The following KIAA0930 variants were observed in gnomAD, a reference collection of about 807,000 sequenced individuals.
The protein encoded by KIAA0930 is KIAA0930, also known as uncharacterized protein KIAA0930.
A neutral mutation model predicts 43.9 loss-of-function variants in KIAA0930; 24 were observed. The ratio of observed to expected loss-of-function variants is 0.55; its 90% CI spans 0.40 to 0.77. The LOEUF (loss-of-function observed/expected upper bound fraction) is 0.77, where lower values mean the gene tolerates loss of function less well. Among genes scored for constraint, KIAA0930 ranks in the 30% least tolerant of loss-of-function variants. KIAA0930 has a pLI of 0.00. For missense variants in KIAA0930, 461 were observed against 574.2 expected, an observed-to-expected ratio of 0.80 and a Z score of 2.02; for synonymous variants, 259 against 216.4, an observed-to-expected ratio of 1.20 and a Z score of -1.73.
chr22:45,211,986 G>A lies in KIAA0930; in HGVS notation c.186C>T (p.Ser62=), dbSNP rs144114772. ...LFYVRRKLAY[S]GSESGADGRK... is the part of the protein sequence containing the mutation. Reference sequence around the variant, plus strand: ...TCCCGTCTGCACCGCTTTCGCTGCCGGAGTACGCCAGCTTCCGGCGCACAT... The same window carrying A: ...TCCCGTCTGCACCGCTTTCGCTGCCAGAGTACGCCAGCTTCCGGCGCACAT... Residue 62 remains serine (S), a synonymous_variant, in exon 2 of 10, where the codon TCC becomes TCT. Transcript: ENST00000336156. 1.8e-4 allele frequency: 290 copies of A among 1,613,046 alleles called. 2 individuals carry two copies. In the African/African-American group the frequency reaches 2.9e-3, roughly 16 times the overall value.
chr22:45,219,402 C>T (rs1333405697), intron 1 of KIAA0930, among the ~76,000 whole-genome samples: 1 of 152,076 alleles, frequency 6.6e-6, no homozygotes, highest in Non-Finnish European at 1.5e-5. Context: ...TCCTTGAAAC[C>T]CACCCCAATC....
intron 1 of KIAA0930, among the ~76,000 whole-genome samples, chr22:45,231,939 C>A (rs1002149513): frequency 6.6e-6 from 1 of 152,156 alleles, no homozygotes; most frequent in South Asian, 2.1e-4. Flanking sequence ...TGCAGTGAGC[C>A]GAGATCGCGC....
rs539825824 is a variant in KIAA0930 at position 45,232,861 on chromosome 22, T to C, written c.64+7779A>G. Among the ~76,000 whole-genome samples the C allele has an allele frequency of 2.2e-3, 328 of 152,262 alleles. 2 individuals carry two copies. Among genetic ancestry groups the C allele is most frequent in the African/African-American group, 7.7e-3 (322 of 41,556 alleles). On this transcript the variant is annotated intron_variant, in intron 1 of 9. Coordinates refer to ENST00000336156, the MANE Select transcript of KIAA0930 (RefSeq NM_001009880.2). ...CTCTGTATGTGACCTCAGCCTCCGT[T>C]TCCCTGATGTGCAGAGTTCGGCTTT...
At chr22:45,213,274 C>T in intron 1 of KIAA0930, 2 of 1,287,500 alleles carry the variant, frequency 1.6e-6, no homozygotes, top group Non-Finnish European at 2.0e-6. Flanking sequence ...AGCCCTCAGC[C>T]CTCTGCCCTC....
chr22:45,213,855 C>A (rs1007323722), intron 1 of KIAA0930, among the ~76,000 whole-genome samples: 2 of 152,068 alleles, frequency 1.3e-5, no homozygotes, highest in Non-Finnish European at 2.9e-5. Context: ...AGTAAAAACA[C>A]AAAAATTAGC....
At chr22:45,200,228 G>A (rs1469956403) in intron 7 of KIAA0930, 193 bp from the exon 8 acceptor site, 3 of 491,066 alleles carry the variant, frequency 6.1e-6, no homozygotes, top group Non-Finnish European at 1.0e-5. Context: ...TCCAGCCCAG[G>A]GGCCAGCAGG....
At chr22:45,223,054 G>GATGAATTTTTCCCTGTGGTCTC (rs2083776767) in intron 1 of KIAA0930, among the ~76,000 whole-genome samples, 1 of 152,164 alleles carries the variant, frequency 6.6e-6, no homozygotes, top group Non-Finnish European at 1.5e-5. Context: ...CGATCCCACA[G>GATGAATTTTTCCCTGTGGTCTC]ATGAATTTTT....
intron 1 of KIAA0930, among the ~76,000 whole-genome samples, chr22:45,213,686 A>G (rs993932254): frequency 4.6e-5 from 7 of 152,226 alleles, no homozygotes; most frequent in Non-Finnish European, 1.0e-4. Context: ...TTAGAGCCCA[A>G]CGGAATAACA....
At chr22:45,234,258 G>A (rs991366429) in intron 1 of KIAA0930, among the ~76,000 whole-genome samples, 2 of 152,186 alleles carry the variant, frequency 1.3e-5, no homozygotes, top group Admixed American at 1.3e-4. Flanking sequence ...CTGTGCTCAG[G>A]GCTCAGCTCC....
In KIAA0930 at chr22:45,193,254, A is replaced by C. The variant is rs1051207460; in HGVS notation, c.*3922T>G. 6.6e-6 allele frequency: 1 copy of C among 152,228 alleles called. No individual in the cohort carries two copies. Among genetic ancestry groups the C allele is most frequent in the African/African-American group, 2.4e-5 (1 of 41,432 alleles). The allele number at this position is 152,228 out of a possible 1,614,324, so 9.4% of individuals were successfully genotyped here. On this transcript the variant is annotated 3_prime_UTR_variant, in exon 10 of 10. Transcript: ENST00000336156. ...AAGCAAATCCCACCTAAATTCAAAA[A>C]TTGAGGAAAACGTCAGTGAAACCTG...
intron 1 of KIAA0930, chr22:45,226,531 A>G (rs1229724207): frequency 3.0e-6 from 1 of 331,926 alleles, no homozygotes; most frequent in African/African-American, 2.2e-5. Flanking sequence ...TGACCACCGC[A>G]CCTGCTGCCC....
At chr22:45,232,170 C>G (rs1038253735) in intron 1 of KIAA0930, among the ~76,000 whole-genome samples, 4 of 152,182 alleles carry the variant, frequency 2.6e-5, no homozygotes, top group Admixed American at 6.5e-5. Flanking sequence ...GGGACAACAC[C>G]CCTCCTGCCT....
chr22:45,204,208 C>T (rs978467830), intron 5 of KIAA0930, among the ~76,000 whole-genome samples: 4 of 152,150 alleles, frequency 2.6e-5, no homozygotes, highest in Non-Finnish European at 4.4e-5. Context: ...GGGACGCTTA[C>T]GGAGACTCTG....
chr22:45,240,582 G>A, intron 1 of KIAA0930, 58 bp downstream of exon 1: 4 of 1,226,824 alleles, frequency 3.3e-6, no homozygotes, highest in South Asian at 2.6e-5. Flanking sequence ...GACGCGCAGA[G>A]GCGGCCCCGG....
intron 1 of KIAA0930, among the ~76,000 whole-genome samples, chr22:45,218,739 A>ATGTTACAAATG (rs1243306104): frequency 1.3e-5 from 2 of 152,108 alleles, no homozygotes; most frequent in Admixed American, 1.3e-4. Flanking sequence ...TCTCCCAGCT[A>ATGTTACAAATG]TGTTACAAAT....
chr22:45,222,134 T>C (rs1227235861), intron 1 of KIAA0930, among the ~76,000 whole-genome samples: 2 of 152,168 alleles, frequency 1.3e-5, no homozygotes, highest in Non-Finnish European at 2.9e-5. Flanking sequence ...AAGAATAAGG[T>C]TGGGTCCCTG....
At chr22:45,217,945 A>AGGGGAGAGGGCGCGT (rs1468400208) in intron 1 of KIAA0930, among the ~76,000 whole-genome samples, 1 of 152,146 alleles carries the variant, frequency 6.6e-6, no homozygotes, top group Non-Finnish European at 1.5e-5. Flanking sequence ...AGGGACTAGC[A>AGGGGAGAGGGCGCGT]GGGGAGAGGG....
intron 2 of KIAA0930, among the ~76,000 whole-genome samples, chr22:45,209,268 G>A (rs551588756): frequency 1.5e-4 from 23 of 152,274 alleles, no homozygotes; most frequent in African/African-American, 3.1e-4. Context: ...CTTGCAGTGC[G>A]CAGGCGACTC....
At chr22:45,205,756 AG>A in intron 3 of KIAA0930, 36 bp downstream of exon 3, 1 of 1,611,574 alleles carries the variant, frequency 6.2e-7, no homozygotes, top group Admixed American at 1.7e-5. Flanking sequence ...GCCATCCCAC[AG>A]GGCCAATCCG....
Sources: allele counts gnomAD v4.1 joint callset (sites outside exome capture counted in the v4.1 genomes callset), GRCh38; gene constraint gnomAD v4.1.1; transcripts MANE v1.5; gene names NCBI Gene and HGNC (gene_info 2026-07-23, HGNC 2026-07-21).